The following ERC1 variants were observed in gnomAD, a reference collection of about 807,000 sequenced individuals.
The protein encoded by ERC1 is RAB6 interacting protein 2.
In ERC1, 56 loss-of-function variants were observed where a neutral mutation model predicts 132.0. That is an observed-to-expected ratio of 0.42 (90% CI 0.34 to 0.53). The LOEUF is 0.53. Ranked by LOEUF, ERC1 falls within the 20% of genes least tolerant of loss-of-function variation. ERC1 has a pLI of 0.03. For missense variants in ERC1, 1,202 were observed against 1,349.9 expected (o/e 0.89, Z 1.72); for synonymous variants, 478 against 476.1 (o/e 1.00, Z -0.05).
intron 7 of ERC1, among the ~76,000 whole-genome samples, chr12:1,125,059 A>G (rs371358895): frequency 6.6e-5 from 10 of 152,008 alleles, no homozygotes; most frequent in African/African-American, 2.2e-4. Flanking sequence ...CAGTGGCACA[A>G]TCTTGGCTCA....
In ERC1 at chr12:1,339,668, G is replaced by A. The variant is rs966316602; in HGVS notation, c.2781-32165G>A. ...GTGGCAGAGGCAGCTCAGCCTGGGGGGCCAGAGAGCCCTTGCTGGTGACTG... is the reference window on the plus strand; with the variant it reads ...GTGGCAGAGGCAGCTCAGCCTGGGGAGCCAGAGAGCCCTTGCTGGTGACTG... On this transcript the variant is annotated intron_variant, in intron 15 of 18. Transcript: ENST00000360905. Among the ~76,000 whole-genome samples the A allele has an allele frequency of 3.3e-5, 5 of 152,214 alleles. No individual in the cohort carries two copies. The East Asian group carries it at 7.7e-4, about 23-fold the overall frequency.
intron 13 of ERC1, among the ~76,000 whole-genome samples, chr12:1,261,323 A>T (rs187167736): frequency 4.8e-4 from 73 of 152,306 alleles, no homozygotes; most frequent in African/African-American, 1.7e-3. Flanking sequence ...GTAAGTTGCT[A>T]ATGAGAAACG....
intron 2 of ERC1, among the ~76,000 whole-genome samples, chr12:1,046,143 A>G (rs1017070374): frequency 6.6e-6 from 1 of 152,212 alleles, no homozygotes; most frequent in Non-Finnish European, 1.5e-5. Flanking sequence ...AAAGTGATAC[A>G]TGACTACATA....
At chr12:1,468,419 A>G (rs1486947589) in intron 18 of ERC1, among the ~76,000 whole-genome samples, 1 of 152,198 alleles carries the variant, frequency 6.6e-6, no homozygotes, top group Admixed American at 6.5e-5. Context: ...CCTGGCCAAC[A>G]TGGTGAAACC....
At chr12:1,260,823 T>C (rs2077096405) in intron 13 of ERC1, among the ~76,000 whole-genome samples, 1 of 152,368 alleles carries the variant, frequency 6.6e-6, no homozygotes, top group South Asian at 2.1e-4. Flanking sequence ...GTTATGTGAC[T>C]TATAATATCA....
At chr12:1,487,522 T>G in intron 18 of ERC1, among the ~76,000 whole-genome samples, 1 of 106,790 alleles carries the variant, frequency 9.4e-6, no homozygotes, top group African/African-American at 3.2e-5. Context: ...CTGGGCAACA[T>G]AGTTAGACCG....
intron 14 of ERC1, among the ~76,000 whole-genome samples, chr12:1,275,654 G>C (rs1333383633): frequency 6.6e-6 from 1 of 152,042 alleles, no homozygotes; most frequent in African/African-American, 2.4e-5. Context: ...GAGGGAAGTG[G>C]CAAGGTTGAT....
intron 1 of ERC1, among the ~76,000 whole-genome samples, chr12:1,003,470 T>C (rs1284566646): frequency 6.6e-6 from 1 of 152,216 alleles, no homozygotes; most frequent in Non-Finnish European, 1.5e-5. Flanking sequence ...TATCTGTAGA[T>C]TCTTTTGGCT....
intron 2 of ERC1, among the ~76,000 whole-genome samples, chr12:1,043,023 CTTTCTTTTTCT>C (rs1970509591): frequency 6.8e-6 from 1 of 148,058 alleles, no homozygotes; most frequent in Non-Finnish European, 1.5e-5. Context: ...TCTTCTTTTT[CTTTCTTTTTCT>C]TTTCTTTTCT....
chr12:1,074,798 A>G (rs946091199), intron 2 of ERC1, among the ~76,000 whole-genome samples: 1 of 152,190 alleles, frequency 6.6e-6, no homozygotes, highest in Non-Finnish European at 1.5e-5. Context: ...AGTAGTTGTT[A>G]GAATTCTAGT....
intron 2 of ERC1, among the ~76,000 whole-genome samples, chr12:1,040,830 C>T (rs555707465): frequency 6.6e-6 from 1 of 152,218 alleles, no homozygotes; most frequent in South Asian, 2.1e-4. Context: ...ATAGTTCAGC[C>T]TTAATGTACA....
rs575936231 is a variant in ERC1, at chr12:1,273,784, T to C, written c.2619+10619T>C. On this transcript the variant is annotated intron_variant, in intron 14 of 18. Transcript: ENST00000360905. ...TCAGTCAGATGGACAGACAGATAGA[T>C]ACATGGATATCTATCTATCTACATA... Among the ~76,000 whole-genome samples, 20 of 152,320 alleles carry C rather than the reference T, an allele frequency of 1.3e-4. No individual in the cohort carries two copies. In the East Asian group the frequency reaches 3.7e-3, roughly 28 times the overall value.
At chr12:1,462,880 TA>T (rs371343905) in intron 18 of ERC1, among the ~76,000 whole-genome samples, 2 of 152,292 alleles carry the variant, frequency 1.3e-5, no homozygotes, top group African/African-American at 4.8e-5. Context: ...GTACAACTGA[TA>T]GGCAGATTCT....
intron 12 of ERC1, among the ~76,000 whole-genome samples, chr12:1,222,986 G>C (rs1473609394): frequency 2.0e-5 from 3 of 152,252 alleles, no homozygotes; most frequent in African/African-American, 7.2e-5. Flanking sequence ...TTTTCCCTCA[G>C]AGTTTTGTTT....
chr12:1,458,835 G>A (rs1383792398), intron 18 of ERC1, among the ~76,000 whole-genome samples: 1 of 152,196 alleles, frequency 6.6e-6, no homozygotes, highest in Admixed American at 6.5e-5. Flanking sequence ...TCTGCTGAAG[G>A]GACCTGGAAG....
At chr12:1,488,057 G>A (rs1445489633) in intron 18 of ERC1, among the ~76,000 whole-genome samples, 2 of 150,508 alleles carry the variant, frequency 1.3e-5, no homozygotes, top group Admixed American at 6.7e-5. Flanking sequence ...AGAATGGCAC[G>A]AACCTGGGAG....
chr12:1,049,273 T>C (rs1028655340), intron 2 of ERC1, among the ~76,000 whole-genome samples: 1 of 152,372 alleles, frequency 6.6e-6, no homozygotes, highest in East Asian at 1.9e-4. Flanking sequence ...GAGTGAATAG[T>C]GCAGGATTGG....
chr12:1,181,880 G>A (rs367681188), intron 9 of ERC1, 45 bp from the exon 10 acceptor site: 8 of 1,575,768 alleles, frequency 5.1e-6, no homozygotes, highest in Non-Finnish European at 6.0e-6. Context: ...AGTCATATAA[G>A]TGCAAAAGGG....
intron 17 of ERC1, among the ~76,000 whole-genome samples, chr12:1,429,241 T>C (rs2092724756): frequency 6.6e-6 from 1 of 152,228 alleles, no homozygotes. Context: ...TTCATGTGAA[T>C]ATGAAATAAG....
Sources: gnomAD v4.1 joint callset for allele counts (sites outside exome capture counted in the v4.1 genomes callset) on GRCh38, gnomAD v4.1.1 for gene constraint, MANE v1.5 for transcripts, NCBI Gene and HGNC (gene_info 2026-07-23, HGNC 2026-07-21) for gene names.